AGTPBP1: variants seen among roughly 807,000 people sequenced by gnomAD.
AGTPBP1 encodes ATP/GTP binding carboxypeptidase 1.
AGTPBP1 carries 70 observed loss-of-function variants against 143.9 expected under a neutral mutation model. The ratio of observed to expected loss-of-function variants is 0.49; its 90% CI spans 0.40 to 0.59. The LOEUF (loss-of-function observed/expected upper bound fraction) is 0.59. Ranked by LOEUF, AGTPBP1 falls within the 20% of genes least tolerant of loss-of-function variation. AGTPBP1 has a pLI of 0.00. For missense variants in AGTPBP1, 1,229 were observed against 1,464.5 expected (o/e 0.84, Z 2.62); for synonymous variants, 463 against 500.2 (o/e 0.93, Z 0.99).
At chr9:85,753,745 T>TC in the AGTPBP1 span, among the ~76,000 whole-genome samples, 1 of 143,012 alleles carries the variant, frequency 7.0e-6, no homozygotes, top group African/African-American at 2.6e-5. Context: ...AGAGCAAAAC[T>TC]CCCTCTCAAT....
chr9:85,553,063 G>T (rs1428212152), intron 25 of AGTPBP1, among the ~76,000 whole-genome samples: 2 of 152,126 alleles, frequency 1.3e-5, no homozygotes, highest in African/African-American at 4.8e-5. Context: ...TCTTGTGAGA[G>T]ATAAATATAG....
At chr9:85,689,911 AAAAAAAAAAAAAAAAT>A (rs1835735307) in intron 3 of AGTPBP1, among the ~76,000 whole-genome samples, 1 of 129,314 alleles carries the variant, frequency 7.7e-6, no homozygotes, top group South Asian at 2.5e-4. Flanking sequence ...AAAAAAAAAA[AAAAAAAAAAAAAAAAT>A]ATATATATAT....
intron 17 of AGTPBP1, among the ~76,000 whole-genome samples, chr9:85,605,028 G>A (rs1454182676): frequency 6.6e-6 from 1 of 152,120 alleles, no homozygotes; most frequent in Non-Finnish European, 1.5e-5. Flanking sequence ...AGAGTTATTG[G>A]CCTTAAAGAG....
the AGTPBP1 span, chr9:85,786,235 A>G: frequency 3.1e-6 from 5 of 1,602,838 alleles, no homozygotes; most frequent in Non-Finnish European, 4.3e-6. Flanking sequence ...AAGCAGCTTA[A>G]GAACACAGCC....
intron 12 of AGTPBP1, among the ~76,000 whole-genome samples, chr9:85,643,392 A>C (rs188107560): frequency 6.6e-6 from 1 of 152,316 alleles, no homozygotes; most frequent in East Asian, 1.9e-4. Flanking sequence ...GAGGAAAATG[A>C]GGTACGGAGA....
intron 1 of AGTPBP1, among the ~76,000 whole-genome samples, chr9:85,719,875 T>C (rs923019661): frequency 6.6e-6 from 1 of 152,252 alleles, no homozygotes; most frequent in Non-Finnish European, 1.5e-5. Context: ...CATGAAAGGC[T>C]GTTGAATTTT....
chr9:85,658,718 C>T (rs1666517148), intron 9 of AGTPBP1, among the ~76,000 whole-genome samples: 1 of 152,062 alleles, frequency 6.6e-6, no homozygotes, highest in Non-Finnish European at 1.5e-5. Flanking sequence ...AAACCTAAAA[C>T]ATAACACTGA....
intron 25 of AGTPBP1, among the ~76,000 whole-genome samples, chr9:85,557,310 G>T (rs535907162): frequency 6.6e-6 from 1 of 152,276 alleles, no homozygotes; most frequent in Admixed American, 6.5e-5. Flanking sequence ...GCTCACATCA[G>T]TCCCAAACTT....
intron 1 of AGTPBP1, among the ~76,000 whole-genome samples, chr9:85,714,392 A>T (rs187700046): frequency 6.6e-6 from 1 of 152,366 alleles, no homozygotes; most frequent in East Asian, 1.9e-4. Context: ...TGCTTTTTCT[A>T]CTGTAATTGG....
chr9:85,739,812 G>A (rs774698879), intron 1 of AGTPBP1, among the ~76,000 whole-genome samples: 2 of 151,094 alleles, frequency 1.3e-5, no homozygotes, highest in African/African-American at 2.4e-5. Context: ...TTGGGAGTTC[G>A]ATACCAGCCT....
intron 14 of AGTPBP1, among the ~76,000 whole-genome samples, chr9:85,629,678 G>A (rs1029996457): frequency 1.3e-5 from 2 of 152,104 alleles, no homozygotes; most frequent in Admixed American, 6.5e-5. Context: ...ATACATCTAC[G>A]CTTAATTAAA....
chr9:85,747,176 A>T, the AGTPBP1 span, among the ~76,000 whole-genome samples: 1 of 152,210 alleles, frequency 6.6e-6, no homozygotes, highest in Non-Finnish European at 1.5e-5. Context: ...ATTTTTAAAA[A>T]ATCAACTGGC....
chr9:85,789,761 G>C, the AGTPBP1 span, among the ~76,000 whole-genome samples: 2 of 152,008 alleles, frequency 1.3e-5, no homozygotes, highest in Admixed American at 1.3e-4. Flanking sequence ...GTTCAGTCTA[G>C]GCCAGTAAAG....
rs74587694 is a variant in AGTPBP1, at chr9:85,649,393, C to T, written c.1088-2975G>A. ...TTTTTTGTTGATACACATATACACA[C>T]GTAGAGGAAGGCTATTTAATTTTAT... On this transcript the variant is annotated intron_variant, in intron 11 of 25. Transcript: ENST00000357081. Among the ~76,000 whole-genome samples the T allele has an allele frequency of 9.9e-3, 1,505 of 152,216 alleles. 22 individuals carry two copies. The highest frequency in any genetic ancestry group is 0.034 in the African/African-American group (1,409 of 41,542).
intron 3 of AGTPBP1, among the ~76,000 whole-genome samples, chr9:85,682,663 C>A (rs1490399694): frequency 6.6e-6 from 1 of 152,160 alleles, no homozygotes; most frequent in Non-Finnish European, 1.5e-5. Flanking sequence ...GTTCAAAGGA[C>A]TGATACCAAA....
At chr9:85,745,220 A>G (rs1239116165), upstream of AGTPBP1, among the ~76,000 whole-genome samples, 1 of 152,248 alleles carries the variant, frequency 6.6e-6, no homozygotes, top group Non-Finnish European at 1.5e-5. Context: ...ACACTGTATT[A>G]CAAAACTCTA....
At chr9:85,763,131 C>T in the AGTPBP1 span, among the ~76,000 whole-genome samples, 1 of 151,776 alleles carries the variant, frequency 6.6e-6, no homozygotes, top group Admixed American at 6.6e-5. Context: ...GCCAAACTCT[C>T]AATCAAATGT....
intron 17 of AGTPBP1, among the ~76,000 whole-genome samples, chr9:85,608,009 C>T (rs544772652): frequency 1.1e-4 from 17 of 152,056 alleles, no homozygotes; most frequent in Admixed American, 1.0e-3. Flanking sequence ...ATTTTTCATC[C>T]CAACCAAAGA....
intron 25 of AGTPBP1, chr9:85,553,785 T>G (rs762165770): frequency 2.6e-5 from 4 of 152,212 alleles, no homozygotes; most frequent in African/African-American, 4.8e-5. Flanking sequence ...ACTTGGGGGA[T>G]ATAAGATACA....
Sources: gnomAD v4.1 joint callset for allele counts (sites outside exome capture counted in the v4.1 genomes callset) on GRCh38, gnomAD v4.1.1 for gene constraint, MANE v1.5 for transcripts, NCBI Gene and HGNC (gene_info 2026-07-23, HGNC 2026-07-21) for gene names.